Variants in SDHAF3 observed in about 807,000 individuals in gnomAD.
SDHAF3 encodes the protein succinate dehydrogenase complex assembly factor 3, also known as succinate dehydrogenase assembly factor 3, mitochondrial.
In SDHAF3, 18 loss-of-function variants were observed where a neutral mutation model predicts 11.5. The observed-to-expected ratio is 1.56, with a 90% CI of 1.08 to 2.32. The LOEUF (loss-of-function observed/expected upper bound fraction) is 2.32. Ranked by LOEUF, SDHAF3 falls within the 30% of genes most tolerant of loss-of-function variation. The probability of loss-of-function intolerance (pLI) is 0.00; values close to 1 mark genes in which losing one functional copy is unlikely to be tolerated. For missense variants in SDHAF3, 200 were observed against 154.4 expected (o/e 1.30, Z -1.57); for synonymous variants, 72 against 59.3 (o/e 1.21, Z -0.99).
intron 1 of SDHAF3, among the ~76,000 whole-genome samples, chr7:97,138,959 T>C (rs1788976083): frequency 6.6e-6 from 1 of 152,144 alleles, no homozygotes; most frequent in African/African-American, 2.4e-5. Flanking sequence ...TGTCACAGGA[T>C]CCACACTCAG....
In SDHAF3 at chr7:97,164,525, C is replaced by T. The variant is rs145243562; in HGVS notation, c.175-16487C>T. 8.3e-3 allele frequency among the ~76,000 whole-genome samples: 1,263 copies of T among 151,698 alleles called. 15 individuals are homozygous for T. The highest frequency in any genetic ancestry group is 0.028 in the African/African-American group (1,163 of 41,330). On this transcript the variant is annotated intron_variant, in intron 1 of 1. Transcript: ENST00000432641. ...CTGAGTAGCTGAGATTATAGGTGTG[C>T]GCCACAACACCCGGCCAATTTTGTA...
At chr7:97,134,746 T>G (rs1274878988) in intron 1 of SDHAF3, among the ~76,000 whole-genome samples, 3 of 152,178 alleles carry the variant, frequency 2.0e-5, no homozygotes, top group African/African-American at 4.8e-5. Context: ...CTCACCCAGC[T>G]GAGAAGATGT....
At chr7:97,151,037 T>A (rs1230241183) in intron 1 of SDHAF3, among the ~76,000 whole-genome samples, 1 of 152,090 alleles carries the variant, frequency 6.6e-6, no homozygotes, top group Non-Finnish European at 1.5e-5. Context: ...GCACAGAGAT[T>A]TTCCATATAC....
chr7:97,166,394 G>A (rs1213237412), intron 1 of SDHAF3, among the ~76,000 whole-genome samples: 5 of 151,766 alleles, frequency 3.3e-5, no homozygotes. Context: ...GTCATAGGGG[G>A]AATTCAAAGA....
chr7:97,156,173 G>A (rs1419655497), intron 1 of SDHAF3, among the ~76,000 whole-genome samples: 2 of 152,212 alleles, frequency 1.3e-5, no homozygotes, highest in East Asian at 1.9e-4. Context: ...TCACCTTAGC[G>A]CTCTAGGCTG....
intron 1 of SDHAF3, among the ~76,000 whole-genome samples, chr7:97,178,544 T>C (rs1476390010): frequency 6.6e-6 from 1 of 152,164 alleles, no homozygotes; most frequent in Admixed American, 6.5e-5. Flanking sequence ...GTTTAAAAAA[T>C]TATTATAGTA....
chr7:97,131,338 T>C (rs537240576), intron 1 of SDHAF3, among the ~76,000 whole-genome samples: 1 of 152,342 alleles, frequency 6.6e-6, no homozygotes, highest in South Asian at 2.1e-4. Flanking sequence ...TAAATCAGTG[T>C]CTAAATATTA....
chr7:97,142,241 G>A (rs959054681), intron 1 of SDHAF3, among the ~76,000 whole-genome samples: 2 of 151,638 alleles, frequency 1.3e-5, no homozygotes, highest in Middle Eastern at 6.8e-3. Flanking sequence ...TTTTAGTAGA[G>A]ACGGCATTTC....
At chr7:97,165,179 C>G (rs912933706) in intron 1 of SDHAF3, among the ~76,000 whole-genome samples, 8 of 151,856 alleles carry the variant, frequency 5.3e-5, no homozygotes, top group South Asian at 2.1e-4. Context: ...CCCAGCTACT[C>G]GGGAGGCTGA....
intron 1 of SDHAF3, among the ~76,000 whole-genome samples, chr7:97,158,898 G>C (rs1039886125): frequency 6.6e-6 from 1 of 152,078 alleles, no homozygotes; most frequent in East Asian, 1.9e-4. Context: ...ACAGTGTAAG[G>C]CTCAATGTAA....
chr7:97,170,704 C>G (rs1394993122), intron 1 of SDHAF3, among the ~76,000 whole-genome samples: 2 of 151,858 alleles, frequency 1.3e-5, no homozygotes, highest in African/African-American at 4.8e-5. Context: ...CAACTAACAC[C>G]TTTTTTTGCT....
At chr7:97,146,175 A>G (rs10281620) in intron 1 of SDHAF3, among the ~76,000 whole-genome samples, 385 of 152,258 alleles carry the variant, frequency 2.5e-3, no homozygotes, top group African/African-American at 8.8e-3. Flanking sequence ...AAGAGATAAC[A>G]TGACATTTTT....
chr7:97,151,374 C>T (rs914218459), intron 1 of SDHAF3, among the ~76,000 whole-genome samples: 1 of 151,886 alleles, frequency 6.6e-6, no homozygotes, highest in East Asian at 1.9e-4. Flanking sequence ...GACAGACAGG[C>T]TTTGGGAGGG....
At chr7:97,175,321 T>C (rs1471001769) in intron 1 of SDHAF3, among the ~76,000 whole-genome samples, 1 of 152,206 alleles carries the variant, frequency 6.6e-6, no homozygotes, top group African/African-American at 2.4e-5. Context: ...GTTTGTTGCA[T>C]AGGTAAACTT....
intron 1 of SDHAF3, among the ~76,000 whole-genome samples, chr7:97,157,506 T>TA (rs1789321836): frequency 6.6e-6 from 1 of 152,208 alleles, no homozygotes; most frequent in Non-Finnish European, 1.5e-5. Flanking sequence ...GGAACACTTT[T>TA]ACACTGTTGG....
chr7:97,142,287 T>C (rs1016048331), intron 1 of SDHAF3, among the ~76,000 whole-genome samples: 1 of 151,986 alleles, frequency 6.6e-6, no homozygotes, highest in Non-Finnish European at 1.5e-5. Flanking sequence ...ACTCCTGACC[T>C]CGTGATCTGC....
Position 97,117,894 on chromosome 7 carries a change from G to GGA in SDHAF3, c.173_174dup (p.Val59ArgfsTer47). The GGA allele has an allele frequency of 6.2e-7, 1 of 1,613,950 alleles. No individual in the cohort carries two copies. Among genetic ancestry groups the GGA allele is most frequent in the Non-Finnish European group, 8.5e-7 (1 of 1,179,842 alleles). On this transcript the variant is annotated frameshift_variant, in exon 1 of 2. Coordinates refer to ENST00000432641, the MANE Select transcript of SDHAF3 (RefSeq NM_020186.3). LOFTEE classifies it high-confidence loss of function. Reference sequence around the variant, plus strand: ...AGGCACAGCGTTTCTTGCAAGAATGGGAGGCAAGTGACGCTCCCTTCTCTT... The same window carrying GGA: ...AGGCACAGCGTTTCTTGCAAGAATGGGAGAGGCAAGTGACGCTCCCTTCTCTT...
chr7:97,150,658 G>C (rs1720211045), intron 1 of SDHAF3, among the ~76,000 whole-genome samples: 1 of 151,216 alleles, frequency 6.6e-6, no homozygotes, highest in Non-Finnish European at 1.5e-5. Context: ...CTGCCACCCG[G>C]GTTCACGCCA....
intron 1 of SDHAF3, among the ~76,000 whole-genome samples, chr7:97,120,353 A>G (rs1278603740): frequency 6.6e-6 from 1 of 152,152 alleles, no homozygotes; most frequent in Non-Finnish European, 1.5e-5. Flanking sequence ...GTTGGATCCT[A>G]CCAGGAAAGA....
Sources: allele counts gnomAD v4.1 joint callset (sites outside exome capture counted in the v4.1 genomes callset), GRCh38; gene constraint gnomAD v4.1.1; transcripts MANE v1.5; gene names NCBI Gene and HGNC (gene_info 2026-07-23, HGNC 2026-07-21).